GAR1: variants seen among roughly 807,000 people sequenced by gnomAD.
The protein encoded by GAR1 is H/ACA ribonucleoprotein complex subunit 1.
GAR1 carries 11 observed loss-of-function variants against 29.3 expected under a neutral mutation model. The ratio of observed to expected loss-of-function variants is 0.38; its 90% CI spans 0.24 to 0.62. The LOEUF (loss-of-function observed/expected upper bound fraction) is 0.62. GAR1 is among the 20% of genes least tolerant of loss of function. The probability of loss-of-function intolerance (pLI) is 0.62; values close to 1 mark genes in which losing one functional copy is unlikely to be tolerated. For synonymous variants in GAR1, 87 were observed against 93.3 expected (o/e 0.93, Z 0.39); for missense variants, 237 against 268.4 (o/e 0.88, Z 0.82).
chr4:109,815,707 C>G, upstream of GAR1: 1 of 173,174 alleles, frequency 5.8e-6, no homozygotes, highest in Admixed American at 5.6e-5. Flanking sequence ...TTAAAAAACT[C>G]TGTGGCGGTA....
rs748130426 is a variant in GAR1 at position 109,823,918 on chromosome 4, A to G, written c.572-47A>G. ...AATAACTTAATGATTATTATATTCT[A>G]TTGTTATTTAAATACTTTGCGTTAT... On this transcript the variant is annotated intron_variant, in intron 5 of 6. Coordinates refer to ENST00000226796, the MANE Select transcript of GAR1 (RefSeq NM_018983.4). 2.1e-5 allele frequency: 25 copies of G among 1,200,764 alleles called. No homozygotes were observed. In the South Asian group the frequency reaches 2.7e-4, roughly 13 times the overall value. 74.4% of individuals were successfully genotyped at this position (1,200,764 alleles called of 1,614,324 possible).
chr4:109,816,922 T>G (rs901386356), intron 2 of GAR1, among the ~76,000 whole-genome samples: 4 of 152,184 alleles, frequency 2.6e-5, no homozygotes, highest in Non-Finnish European at 5.9e-5. Flanking sequence ...AGAAAACAAT[T>G]TGCTTGAGAG....
rs753135586 is a variant in GAR1 at position 109,816,244 on chromosome 4, A to G, written c.80A>G (p.Asn27Ser). Reference protein sequence around the residue: ...GGGFNRGGSSNHFRGGGGGGG... With the variant: ...GGGFNRGGSSSHFRGGGGGGG... The stretch of plus-strand genomic sequence containing the variant: ...GGCTTCAACCGAGGTGGCAGCAGCA[A>G]CCACTTCCGAGGTGGAGGCGGCGGT... The change falls in exon 2 of 7, where the codon AAC becomes AGC. Residue 27 changes from asparagine (N) to serine (S), a missense_variant. Asn to Ser is a conservative substitution (Grantham distance 46). Coordinates refer to ENST00000226796, the MANE Select transcript of GAR1 (RefSeq NM_018983.4). 16 of 1,609,580 alleles carry G rather than the reference A, an allele frequency of 9.9e-6. No individual in the cohort carries two copies. The highest frequency in any genetic ancestry group is 8.0e-5 in the African/African-American group (6 of 74,628).
In GAR1 at chr4:109,822,417, C is replaced by A. The variant is rs1579354493; in HGVS notation, c.500C>A (p.Pro167His). ...FLPRPPGEKG[P>H]PRGGGRGGRG... Reference sequence around the variant, plus strand: ...CCTCGACCTCCAGGTGAGAAAGGACCTCCAAGAGGTGGTGGCAGGGGAGGC... The same window carrying A: ...CCTCGACCTCCAGGTGAGAAAGGACATCCAAGAGGTGGTGGCAGGGGAGGC... The change falls in exon 5 of 7, where the codon CCT becomes CAT. Residue 167 changes from proline (P) to histidine (H), a missense_variant. Pro to His is a moderately conservative substitution (Grantham distance 77). Coordinates refer to ENST00000226796, the MANE Select transcript of GAR1 (RefSeq NM_018983.4). The A allele has an allele frequency of 6.2e-7, 1 of 1,611,554 alleles. No individual in the cohort carries two copies. The highest frequency in any genetic ancestry group is 1.7e-5 in the Admixed American group (1 of 59,818).
At chr4:109,822,910 G>A (rs897325975) in intron 5 of GAR1, among the ~76,000 whole-genome samples, 1 of 152,106 alleles carries the variant, frequency 6.6e-6, no homozygotes, top group Non-Finnish European at 1.5e-5. Flanking sequence ...ATGAGGAAAC[G>A]GAGACTTACA....
intron 4 of GAR1, among the ~76,000 whole-genome samples, chr4:109,820,593 C>T (rs1733487163): frequency 6.6e-6 from 1 of 151,706 alleles, no homozygotes; most frequent in Non-Finnish European, 1.5e-5. Flanking sequence ...AGGCAAACCA[C>T]AAGCCTGTCA....
intron 1 of GAR1, 52 bp downstream of exon 1, chr4:109,815,856 A>T: frequency 2.7e-6 from 1 of 373,562 alleles, no homozygotes. Flanking sequence ...GTGGAACCCA[A>T]CTGCCGGAGG....
Position 109,816,137 on chromosome 4 carries a change from G to GC in GAR1, c.-12-16_-12-15insC. Reference sequence around the variant, plus strand: ...CTACAGTGATCAGAAGACATAGGTCGTTTTTTTTTCATCAGGGAGGAGAGA... The same window carrying GC: ...CTACAGTGATCAGAAGACATAGGTCGCTTTTTTTTTCATCAGGGAGGAGAGA... On this transcript the variant is annotated splice_polypyrimidine_tract_variant and intron_variant, in intron 1 of 6. Coordinates refer to ENST00000226796, the MANE Select transcript of GAR1 (RefSeq NM_018983.4). The GC allele has an allele frequency of 6.4e-7, 1 of 1,569,868 alleles. No homozygotes were observed. Among genetic ancestry groups the GC allele is most frequent in the South Asian group, 1.1e-5 (1 of 89,908 alleles).
At chr4:109,821,676 C>A (rs369584493) in intron 4 of GAR1, among the ~76,000 whole-genome samples, 3 of 151,912 alleles carry the variant, frequency 2.0e-5, no homozygotes, top group Non-Finnish European at 4.4e-5. Context: ...ATTTTTCTTA[C>A]GGCAGTTCTG....
At position 109,816,207 on chromosome 4, in the gene GAR1, G is replaced by A. The variant is rs763131345; in HGVS notation, c.43G>A (p.Gly15Ser). Residue 15 changes from glycine to serine, a missense_variant, in exon 2 of 7, where the codon GGT becomes AGT. Coordinates refer to ENST00000226796, the MANE Select transcript of GAR1 (RefSeq NM_018983.4). Reference sequence around the variant, plus strand: ...AGGTCGTGGAGGCTTTAATCGAGGTGGTGGAGGTGGCGGCTTCAACCGAGG... The same window carrying A: ...AGGTCGTGGAGGCTTTAATCGAGGTAGTGGAGGTGGCGGCTTCAACCGAGG... ...GGGRGGFNRGGGGGGFNRGGS... is the reference protein window; with the variant it reads ...GGGRGGFNRGSGGGGFNRGGS... The A allele has an allele frequency of 1.2e-6, 2 of 1,611,242 alleles. No homozygotes were observed. Among genetic ancestry groups the A allele is most frequent in the East Asian group, 2.2e-5 (1 of 44,846 alleles).
chr4:109,818,896 A>G, intron 3 of GAR1, 105 bp from the exon 4 acceptor site: 2 of 654,458 alleles, frequency 3.1e-6, no homozygotes, highest in East Asian at 2.6e-5. Context: ...TTTCCTATAT[A>G]TATCCATACA....
At chr4:109,822,913 G>A (rs1733550966) in intron 5 of GAR1, among the ~76,000 whole-genome samples, 1 of 152,134 alleles carries the variant, frequency 6.6e-6, no homozygotes, top group Non-Finnish European at 1.5e-5. Flanking sequence ...AGGAAACGGA[G>A]ACTTACAGAA....
rs113297380 is a variant in GAR1, at chr4:109,816,022, T to C, written c.-12-131T>C. On this transcript the variant is annotated intron_variant, in intron 1 of 6. Coordinates refer to ENST00000226796, the MANE Select transcript of GAR1 (RefSeq NM_018983.4). Reference sequence around the variant, plus strand: ...ACCCATCAGGTTGGTGGTCACTGGCTGTCTGACCGTGGGTGAGGTGACAGG... The same window carrying C: ...ACCCATCAGGTTGGTGGTCACTGGCCGTCTGACCGTGGGTGAGGTGACAGG... 2.1e-3 allele frequency: 1,839 copies of C among 865,666 alleles called. 17 individuals are homozygous for C. In the African/African-American group the frequency reaches 0.026, roughly 12 times the overall value. The allele number at this position is 865,666 out of a possible 1,614,324, so 53.6% of individuals were successfully genotyped here.
intron 2 of GAR1, among the ~76,000 whole-genome samples, chr4:109,817,582 C>A (rs1280224503): frequency 1.3e-5 from 2 of 152,126 alleles, no homozygotes; most frequent in Non-Finnish European, 2.9e-5. Context: ...ATAACTGTTA[C>A]AGGTTGAATG....
chr4:109,816,963 C>T (rs7676676), intron 2 of GAR1, among the ~76,000 whole-genome samples: 116,889 of 152,136 alleles, frequency 0.77, 45,041 homozygotes, highest in East Asian at 0.92. Context: ...TCTAGAAAAA[C>T]ACCTATTTAG....
intron 3 of GAR1, among the ~76,000 whole-genome samples, chr4:109,818,746 G>T (rs772370939): frequency 6.6e-5 from 10 of 151,726 alleles, no homozygotes; most frequent in African/African-American, 1.2e-4. Context: ...TGTATTTTTG[G>T]TGGAGGTGGG....
intron 4 of GAR1, 68 bp downstream of exon 4, chr4:109,819,128 T>C (rs770189207): frequency 5.1e-5 from 42 of 828,118 alleles, no homozygotes; most frequent in Non-Finnish European, 8.6e-5. Context: ...AGGAAAGTCC[T>C]ACTTGGAGCA....
chr4:109,815,872 A>C, intron 1 of GAR1, 68 bp downstream of exon 1: 2 of 393,074 alleles, frequency 5.1e-6, no homozygotes, highest in South Asian at 3.7e-5. Context: ...GGAGGGAGGG[A>C]GGAAGGAAGG....
intron 2 of GAR1, among the ~76,000 whole-genome samples, chr4:109,817,048 G>A (rs1181707637): frequency 1.3e-5 from 2 of 152,228 alleles, no homozygotes; most frequent in Non-Finnish European, 2.9e-5. Context: ...TTAAAGAGGA[G>A]AGAGGGTGAG....
Sources: allele counts gnomAD v4.1 joint callset (sites outside exome capture counted in the v4.1 genomes callset), GRCh38; gene constraint gnomAD v4.1.1; transcripts MANE v1.5; gene names NCBI Gene and HGNC (gene_info 2026-07-23, HGNC 2026-07-21).